EPHB1: variants seen among roughly 807,000 people sequenced by gnomAD.
EPHB1 encodes EPH receptor B1.
EPHB1 carries 30 observed loss-of-function variants against 94.4 expected under a neutral mutation model. That is an observed-to-expected ratio of 0.32 (90% CI 0.24 to 0.43). The LOEUF (loss-of-function observed/expected upper bound fraction) is 0.43, where lower values mean the gene tolerates loss of function less well. Ranked by LOEUF, EPHB1 falls within the 20% of genes least tolerant of loss-of-function variation. The pLI, the probability that EPHB1 is intolerant of heterozygous loss-of-function variation, is 1.00. For missense variants in EPHB1, 1,055 were observed against 1,308.3 expected (o/e 0.81, Z 2.99); for synonymous variants, 522 against 489.1 (o/e 1.07, Z -0.89).
At chr3:134,868,112 G>T (rs2037419530) in intron 1 of EPHB1, among the ~76,000 whole-genome samples, 1 of 152,200 alleles carries the variant, frequency 6.6e-6, no homozygotes, top group African/African-American at 2.4e-5. Flanking sequence ...CTACTTAAGT[G>T]CTTATCTTTC....
chr3:135,248,564 A>G, intron 14 of EPHB1, 55 bp downstream of exon 14: 2 of 1,485,530 alleles, frequency 1.3e-6, no homozygotes, highest in East Asian at 2.5e-5. Context: ...GGTCAGGGGC[A>G]TAGCCAGCAG....
chr3:134,860,581 G>A (rs1183241305), intron 1 of EPHB1, among the ~76,000 whole-genome samples: 1 of 152,088 alleles, frequency 6.6e-6, no homozygotes, highest in Non-Finnish European at 1.5e-5. Flanking sequence ...TTGGGAGGCC[G>A]AGACGGGCAG....
At position 134,861,648 on chromosome 3, in the gene EPHB1, CAG is replaced by C. The variant is rs564486478; in HGVS notation, c.59-64167_59-64166del. 3.2e-3 allele frequency among the ~76,000 whole-genome samples: 482 copies of C among 152,126 alleles called. 3 individuals are homozygous for C. Among genetic ancestry groups the C allele is most frequent in the African/African-American group, 9.5e-3 (396 of 41,506 alleles). On this transcript the variant is annotated intron_variant, in intron 1 of 15. Transcript: ENST00000398015. ...GGGACTGAGAGGGAAGATAAGGAAACAGGGGGAGAAATCAGACCCCACAGAGG... is the reference window on the plus strand; with the variant it reads ...GGGACTGAGAGGGAAGATAAGGAAACGGGGAGAAATCAGACCCCACAGAGG...
intron 3 of EPHB1, among the ~76,000 whole-genome samples, chr3:135,002,710 T>C (rs1559790208): frequency 1.3e-5 from 2 of 152,220 alleles, no homozygotes; most frequent in Non-Finnish European, 2.9e-5. Flanking sequence ...TGAAGGAATT[T>C]ATCCATTTCT....
chr3:134,809,370 A>AT (rs11440776), intron 1 of EPHB1, among the ~76,000 whole-genome samples: 98,769 of 149,702 alleles, frequency 0.66, 36,143 homozygotes, highest in Non-Finnish European at 0.81. Flanking sequence ...AAAAGAACAG[A>AT]TTTTTTTTTT....
intron 3 of EPHB1, among the ~76,000 whole-genome samples, chr3:135,077,939 A>T (rs1007795416): frequency 1.3e-5 from 2 of 152,210 alleles, no homozygotes; most frequent in African/African-American, 4.8e-5. Context: ...AGCCCTTATT[A>T]TGTGGAAGAC....
intron 14 of EPHB1, 59 bp from the exon 15 acceptor site, chr3:135,249,277 G>T: frequency 6.5e-7 from 1 of 1,544,330 alleles, no homozygotes; most frequent in African/African-American, 1.4e-5. Context: ...AGGCCAGACT[G>T]GGGCACTGTC....
At chr3:135,169,212 A>G (rs770781808) in intron 9 of EPHB1, among the ~76,000 whole-genome samples, 75 of 152,148 alleles carry the variant, frequency 4.9e-4, no homozygotes, top group Non-Finnish European at 8.1e-4. Context: ...AGAAAAACCA[A>G]TCCTCAGTCT....
intron 3 of EPHB1, among the ~76,000 whole-genome samples, chr3:135,025,165 CT>C (rs747024011): frequency 0.14 from 11,450 of 80,678 alleles, 698 homozygotes; most frequent in Middle Eastern, 0.19. Context: ...TTCCTTCTTT[CT>C]TTTTTTTTTT....
chr3:134,874,060 T>A (rs1192744446), intron 1 of EPHB1, among the ~76,000 whole-genome samples: 1 of 152,176 alleles, frequency 6.6e-6, no homozygotes, highest in African/African-American at 2.4e-5. Context: ...CTGGACAGAC[T>A]GTGTTCACCA....
intron 3 of EPHB1, among the ~76,000 whole-genome samples, chr3:135,017,727 T>C (rs1360573592): frequency 6.6e-6 from 1 of 152,210 alleles, no homozygotes. Flanking sequence ...CAGGCTCCTG[T>C]TGCCCAAGCA....
intron 4 of EPHB1, among the ~76,000 whole-genome samples, chr3:135,130,372 G>A (rs1020472214): frequency 3.3e-5 from 5 of 152,196 alleles, no homozygotes. Context: ...TTGTCACATA[G>A]AAAGCCAAAG....
intron 3 of EPHB1, among the ~76,000 whole-genome samples, chr3:134,998,782 T>A (rs1341220740): frequency 6.6e-6 from 1 of 152,208 alleles, no homozygotes; most frequent in Non-Finnish European, 1.5e-5. Context: ...ACATCAACAG[T>A]GCCTAACACA....
intron 1 of EPHB1, among the ~76,000 whole-genome samples, chr3:134,914,239 T>C (rs1296984927): frequency 6.6e-6 from 1 of 152,196 alleles, no homozygotes; most frequent in East Asian, 1.9e-4. Context: ...TGTGAGAGGT[T>C]CTACTCCCCA....
At chr3:135,235,471 A>T (rs1388473512) in intron 12 of EPHB1, among the ~76,000 whole-genome samples, 1 of 152,174 alleles carries the variant, frequency 6.6e-6, no homozygotes, top group South Asian at 2.1e-4. Flanking sequence ...AAATTTGAGA[A>T]CCACTTCTCC....
intron 3 of EPHB1, among the ~76,000 whole-genome samples, chr3:135,078,575 A>G (rs1165863851): frequency 1.3e-5 from 2 of 152,204 alleles, no homozygotes; most frequent in Non-Finnish European, 2.9e-5. Context: ...TGAAAGAATG[A>G]TCTGTAAGAC....
At position 134,996,310 on chromosome 3, in the gene EPHB1, C is replaced by T. The variant is rs146488501; in HGVS notation, c.805+44258C>T. On this transcript the variant is annotated intron_variant, in intron 3 of 15. Coordinates refer to ENST00000398015, the MANE Select transcript of EPHB1 (RefSeq NM_004441.5). ...CCAGGCTTGGGCAATCCTCCAACTT[C>T]AGCCTCCCAAGTAGCTGGGACTGCA... Among the ~76,000 whole-genome samples the T allele has an allele frequency of 5.5e-3, 845 of 152,260 alleles. 9 individuals carry two copies. The highest frequency in any genetic ancestry group is 0.02 in the African/African-American group (812 of 41,536).
intron 4 of EPHB1, among the ~76,000 whole-genome samples, chr3:135,131,241 C>T (rs1940404588): frequency 6.6e-6 from 1 of 152,176 alleles, no homozygotes; most frequent in Non-Finnish European, 1.5e-5. Context: ...TTATATGGTA[C>T]AGTACTGATT....
In EPHB1 at chr3:134,926,794, G is replaced by C. The variant is rs373965602; in HGVS notation, c.123+914G>C. On this transcript the variant is annotated intron_variant, in intron 2 of 15. Transcript: ENST00000398015. ...GGTCACACTTGTTGACAGGATTGTC[G>C]AGAACAGTTGAGAGAAAGGCATTTA... 7.9e-5 allele frequency among the ~76,000 whole-genome samples: 12 copies of C among 152,318 alleles called. No individual in the cohort carries two copies. The East Asian group carries it at 1.7e-3, about 22-fold the overall frequency.
Sources: allele counts gnomAD v4.1 joint callset (sites outside exome capture counted in the v4.1 genomes callset), GRCh38; gene constraint gnomAD v4.1.1; transcripts MANE v1.5; gene names NCBI Gene and HGNC (gene_info 2026-07-23, HGNC 2026-07-21).